ANKRD11: variants seen among roughly 807,000 people sequenced by gnomAD.
ANKRD11 encodes the protein ankyrin repeat domain 11.
A neutral mutation model predicts 195.7 loss-of-function variants in ANKRD11; 17 were observed. The ratio of observed to expected loss-of-function variants is 0.09; its 90% CI spans 0.06 to 0.13. ANKRD11 has a LOEUF of 0.13. Among genes scored for constraint, ANKRD11 ranks in the 10% least tolerant of loss-of-function variants. ANKRD11 has a pLI of 1.00. For synonymous variants in ANKRD11, 1,953 were observed against 1,528.1 expected, an observed-to-expected ratio of 1.28 and a Z score of -6.49; for missense variants, 3,735 against 3,566.1, an observed-to-expected ratio of 1.05 and a Z score of -1.21.
chr16:89,489,367 C>T (rs2057731651), intron 1 of ANKRD11, among the ~76,000 whole-genome samples: 2 of 151,566 alleles, frequency 1.3e-5, no homozygotes, highest in African/African-American at 4.8e-5. Context: ...GCTGTTGCAG[C>T]CGCCACCGCC....
In ANKRD11 at chr16:89,458,386, G is replaced by A. The variant is rs376643079; in HGVS notation, c.-145+31859C>T. The stretch of plus-strand genomic sequence containing the variant: ...ACTACAGGCGCCCGCCACCACGCCC[G>A]GCTAATTTTTTGTATTTTTAGTAGA... On this transcript the variant is annotated intron_variant, in intron 1 of 12. Coordinates refer to ENST00000301030, the MANE Select transcript of ANKRD11 (RefSeq NM_013275.6). 5.3e-5 allele frequency among the ~76,000 whole-genome samples: 8 copies of A among 152,054 alleles called. No homozygotes were observed. In the South Asian group the frequency reaches 1.2e-3, roughly 24 times the overall value.
At chr16:89,330,054 T>C (rs1013492445) in intron 2 of ANKRD11, among the ~76,000 whole-genome samples, 1 of 151,148 alleles carries the variant, frequency 6.6e-6, no homozygotes, top group Non-Finnish European at 1.5e-5. Flanking sequence ...ATTTTGTTTA[T>C]GTATTCACAT....
intron 2 of ANKRD11, chr16:89,370,821 C>A (rs1014801963): frequency 3.3e-5 from 5 of 152,650 alleles, no homozygotes; most frequent in African/African-American, 1.2e-4. Context: ...CCCAGACGAC[C>A]CCCAGGCCGG....
rs536075974 is a variant in ANKRD11 at position 89,447,670 on chromosome 16, T to A, written c.-144-29302A>T. 1.3e-5 allele frequency among the ~76,000 whole-genome samples: 2 copies of A among 152,232 alleles called. 1 individual carries two copies. On this transcript the variant is annotated intron_variant, in intron 1 of 12. Transcript: ENST00000301030. ...CACCTTTGGCCCTAAGAACACTGCA[T>A]CCGGACACGCAGGCCCTCGGCCTCC...
At chr16:89,372,328 C>A (rs901632374) in intron 2 of ANKRD11, among the ~76,000 whole-genome samples, 2 of 152,198 alleles carry the variant, frequency 1.3e-5, no homozygotes, top group Non-Finnish European at 2.9e-5. Flanking sequence ...GCGACGGATG[C>A]GGCCACCACT....
intron 2 of ANKRD11, among the ~76,000 whole-genome samples, chr16:89,374,374 T>C (rs886657516): frequency 3.9e-5 from 6 of 151,960 alleles, no homozygotes; most frequent in Non-Finnish European, 5.9e-5. Flanking sequence ...CACTCACCTG[T>C]TTACATAAAA....
rs71134220 is a variant in ANKRD11, at chr16:89,415,829, C to CAAAAAAAAAAAA, written c.-60+2443_-60+2454dup. ...TGCACAACAAAGCTAGACTCTGTCT[C>CAAAAAAAAAAAA]AAAAAAAAAAAAAAAAAAAAACAAT... On this transcript the variant is annotated intron_variant, in intron 2 of 12. Coordinates refer to ENST00000301030, the MANE Select transcript of ANKRD11 (RefSeq NM_013275.6). Among the ~76,000 whole-genome samples the CAAAAAAAAAAAA allele has an allele frequency of 7.7e-3, 304 of 39,668 alleles. 15 individuals carry two copies. The highest frequency in any genetic ancestry group is 1.0e-2 in the East Asian group (11 of 1,102). The allele number at this position is 39,668 out of a possible 152,430, so 26.0% of individuals were successfully genotyped here. A position where few individuals can be genotyped will look rare whatever the true frequency, so the allele number is the denominator to read the frequency against.
In ANKRD11 at chr16:89,281,439, A is replaced by T. The variant is rs373208578; in HGVS notation, c.5103T>A (p.Thr1701=). 1.2e-6 allele frequency: 2 copies of T among 1,613,078 alleles called. No homozygotes were observed. The highest frequency in any genetic ancestry group is 1.7e-6 in the Non-Finnish European group (2 of 1,179,340). The change falls in exon 9 of 13, where the codon ACT becomes ACA. Residue 1701 remains threonine, a synonymous_variant. Transcript: ENST00000301030. This position sits in a 1 kb window ranked among gnomAD's most constrained non-coding sequence, Gnocchi z 5.5. ...ASPRPDQSRP[T]GVPTPTSVLS... is the part of the protein sequence containing the mutation. The stretch of plus-strand genomic sequence containing the variant: ...GCACCGACGTAGGGGTGGGCACGCC[A>T]GTGGGCCGGCTCTGGTCAGGCCTGG...
chr16:89,381,934 AC>A (rs1226788314), intron 2 of ANKRD11, among the ~76,000 whole-genome samples: 2 of 152,182 alleles, frequency 1.3e-5, no homozygotes, highest in African/African-American at 2.4e-5. Context: ...TGACCTCTCC[AC>A]GGGGCTCAGA....
At chr16:89,405,646 T>G (rs753095895) in intron 2 of ANKRD11, among the ~76,000 whole-genome samples, 9 of 152,022 alleles carry the variant, frequency 5.9e-5, no homozygotes, top group Non-Finnish European at 1.0e-4. Context: ...CTAGGTAACT[T>G]TCCTATCAGC....
intron 7 of ANKRD11, chr16:89,286,562 G>A (rs2034661962): frequency 8.9e-6 from 7 of 789,286 alleles, no homozygotes; most frequent in Non-Finnish European, 7.0e-6. Context: ...CCTCAGCAGA[G>A]TGGTGCCGGA....
chr16:89,469,549 CACCGT>C lies in ANKRD11; in HGVS notation c.-145+20691_-145+20695del, dbSNP rs577961607. On this transcript the variant is annotated intron_variant, in intron 1 of 12. Transcript: ENST00000301030. The stretch of plus-strand genomic sequence containing the variant: ...ATCTCCACTCATCACTTCTTTTGAA[CACCGT>C]ACTGGAGATTCTAGTCCAAGAGAAA... 8.0e-3 allele frequency among the ~76,000 whole-genome samples: 1,204 copies of C among 151,206 alleles called. 15 individuals are homozygous for C. The highest frequency in any genetic ancestry group is 0.013 in the Non-Finnish European group (906 of 67,780).
Position 89,375,610 on chromosome 16 carries a change from C to T in ANKRD11, c.-60+42674G>A, listed in dbSNP as rs576048372. On this transcript the variant is annotated intron_variant, in intron 2 of 12. Transcript: ENST00000301030. Reference sequence around the variant, plus strand: ...GAGTGATTACAGGCGCCCGCCACCACGCCCAGTTAATTTTTAAATTTTTAG... The same window carrying T: ...GAGTGATTACAGGCGCCCGCCACCATGCCCAGTTAATTTTTAAATTTTTAG... Among the ~76,000 whole-genome samples, 8 of 152,008 alleles carry T rather than the reference C, an allele frequency of 5.3e-5. No individual in the cohort carries two copies. The East Asian group carries it at 7.8e-4, about 15-fold the overall frequency.
In ANKRD11 at chr16:89,338,424, TAAAAAAAAAAA is replaced by T. The variant is rs397854933; in HGVS notation, c.-59-21357_-59-21347del. Among the ~76,000 whole-genome samples, 180 of 127,014 alleles carry T rather than the reference TAAAAAAAAAAA, an allele frequency of 1.4e-3. 2 individuals are homozygous for T. Among genetic ancestry groups the T allele is most frequent in the African/African-American group, 5.1e-3 (170 of 33,606 alleles). The allele number at this position is 127,014 out of a possible 152,430, so 83.3% of individuals were successfully genotyped here. ...ATCCTGTACTTAACATACACTCTGT[TAAAAAAAAAAA>T]AAAAAAAAAGGACCAGGCGCTGTGG... On this transcript the variant is annotated intron_variant, in intron 2 of 12. Coordinates refer to ENST00000301030, the MANE Select transcript of ANKRD11 (RefSeq NM_013275.6).
chr16:89,392,270 G>A (rs1368464862), intron 2 of ANKRD11: 1 of 152,240 alleles, frequency 6.6e-6, no homozygotes, highest in Non-Finnish European at 1.5e-5. Context: ...CCTTGCTGAG[G>A]AAATTAAATT....
chr16:89,313,510 C>A, intron 3 of ANKRD11: 1 of 1,289,230 alleles, frequency 7.8e-7, no homozygotes, highest in Non-Finnish European at 1.0e-6. Flanking sequence ...AGCGCGGCAT[C>A]AGGATGCACT....
chr16:89,422,005 G>A (rs1269822085), intron 1 of ANKRD11, among the ~76,000 whole-genome samples: 3 of 152,138 alleles, frequency 2.0e-5, no homozygotes, highest in Non-Finnish European at 2.9e-5. Context: ...TACTAATGGC[G>A]GCTCTCTCTG....
intron 2 of ANKRD11, among the ~76,000 whole-genome samples, chr16:89,417,551 G>A (rs1006506538): frequency 6.6e-6 from 1 of 152,144 alleles, no homozygotes; most frequent in Non-Finnish European, 1.5e-5. Flanking sequence ...ACTCCCAGGA[G>A]GAGGCAAGGA....
At chr16:89,466,487 C>A (rs1003130450) in intron 1 of ANKRD11, among the ~76,000 whole-genome samples, 7 of 152,082 alleles carry the variant, frequency 4.6e-5, no homozygotes, top group Non-Finnish European at 1.0e-4. Flanking sequence ...ATTTTGTATT[C>A]TGTGAACCAG....
Sources: gnomAD v4.1 joint callset for allele counts (sites outside exome capture counted in the v4.1 genomes callset) on GRCh38, gnomAD v4.1.1 for gene constraint, Gnocchi (gnomAD v3.1) non-coding constraint, MANE v1.5 for transcripts, NCBI Gene and HGNC (gene_info 2026-07-23, HGNC 2026-07-21) for gene names.